The following AHDC1 variants were observed in gnomAD, a reference collection of about 807,000 sequenced individuals.
The protein encoded by AHDC1 is AT-hook DNA binding motif containing 1.
A neutral mutation model predicts 87.9 loss-of-function variants in AHDC1; 7 were observed. The observed-to-expected ratio is 0.08, with a 90% CI of 0.05 to 0.15. AHDC1 has a LOEUF of 0.15. AHDC1 is among the 10% of genes least tolerant of loss of function. The pLI, the probability that AHDC1 is intolerant of heterozygous loss-of-function variation, is 1.00. For missense variants in AHDC1, 1,841 were observed against 2,253.2 expected (o/e 0.82, Z 3.70); for synonymous variants, 1,051 against 1,006.8 (o/e 1.04, Z -0.83).
intron 3 of AHDC1, among the ~76,000 whole-genome samples, chr1:27,602,986 T>TCCCCCCCCCCCCCC (rs552714980): frequency 1.4e-5 from 1 of 69,822 alleles, no homozygotes; most frequent in African/African-American, 6.3e-5. Flanking sequence ...CCCCCTTCAT[T>TCCCCCCCCCCCCCC]CCCCCCCCCC....
At chr1:27,603,976 C>T (rs1317291003) in intron 1 of AHDC1, 113 bp from the exon 2 acceptor site, 2 of 149,712 alleles carry the variant, frequency 1.3e-5, no homozygotes, top group Non-Finnish European at 3.0e-5. Flanking sequence ...CTGCCTTCTG[C>T]TCTCTCCGCT....
intron 3 of AHDC1, among the ~76,000 whole-genome samples, chr1:27,572,957 C>T (rs748472785): frequency 5.3e-5 from 8 of 152,258 alleles, no homozygotes; most frequent in Non-Finnish European, 8.8e-5. Context: ...CACAGTCTCA[C>T]AGCCCCGCCT....
intron 3 of AHDC1, among the ~76,000 whole-genome samples, chr1:27,577,773 C>T (rs949296334): frequency 6.6e-6 from 1 of 152,214 alleles, no homozygotes; most frequent in African/African-American, 2.4e-5. Context: ...CTGCTCCCCT[C>T]CCCCTGACCT....
intron 8 of AHDC1, among the ~76,000 whole-genome samples, chr1:27,538,571 G>C (rs1414366462): frequency 2.0e-5 from 3 of 151,294 alleles, no homozygotes; most frequent in Non-Finnish European, 2.9e-5. Flanking sequence ...CTAGAGTGCA[G>C]TGGCACAATC....
At chr1:27,577,894 C>T (rs2088802404) in intron 3 of AHDC1, among the ~76,000 whole-genome samples, 1 of 152,176 alleles carries the variant, frequency 6.6e-6, no homozygotes, top group Non-Finnish European at 1.5e-5. Context: ...ACAGAGATTC[C>T]ACCTGAGGCC....
In AHDC1 at chr1:27,549,882, C is replaced by T. The variant is rs1557663014; in HGVS notation, c.2234G>A (p.Arg745Gln). The change falls in exon 8 of 9, where the codon CGG becomes CAG. Residue 745 changes from arginine (R) to glutamine (Q), a missense_variant. This residue lies in a region of AHDC1 where 236 missense variants were observed against 257.9 expected (regional missense o/e 0.92). Coordinates refer to ENST00000673934, the MANE Select transcript of AHDC1 (RefSeq NM_001371928.1). Reference protein sequence around the residue: ...TGKPKRKRRSRKNGTLFPEQV... With the variant: ...TGKPKRKRRSQKNGTLFPEQV... ...CTCTGGGAACAGAGTCCCATTCTTC[C>T]GGGACCGTCTCTTGCGCTTTGGCTT... 1.9e-6 allele frequency: 3 copies of T among 1,613,536 alleles called. No individual in the cohort carries two copies. The highest frequency in any genetic ancestry group is 2.5e-6 in the Non-Finnish European group (3 of 1,179,744).
rs1242684759 is a variant in AHDC1 at position 27,534,691 on chromosome 1, GTTTTGT to G, written c.*263_*268del. Reference sequence around the variant, plus strand: ...TTTTTTTGTCTTTTTCTAAAACTGTGTTTTGTTTTTAAGTTTTGTACATTTTTAAAA... The same window carrying G: ...TTTTTTTGTCTTTTTCTAAAACTGTGTTTTAAGTTTTGTACATTTTTAAAA... On this transcript the variant is annotated 3_prime_UTR_variant, in exon 9 of 9. Coordinates refer to ENST00000673934, the MANE Select transcript of AHDC1 (RefSeq NM_001371928.1). 2 of 150,240 alleles carry G rather than the reference GTTTTGT, an allele frequency of 1.3e-5. No homozygotes were observed. Among genetic ancestry groups the G allele is most frequent in the African/African-American group, 4.9e-5 (2 of 40,632 alleles). The allele number at this position is 150,240 out of a possible 1,614,324, so 9.3% of individuals were successfully genotyped here. A position where few individuals can be genotyped will look rare whatever the true frequency, so the allele number is the denominator to read the frequency against.
intron 3 of AHDC1, among the ~76,000 whole-genome samples, chr1:27,574,655 G>T (rs548272691): frequency 6.6e-6 from 1 of 152,322 alleles, no homozygotes; most frequent in African/African-American, 2.4e-5. Flanking sequence ...CTGGCAGGGG[G>T]AGAAGGGTCC....
At chr1:27,567,766 G>A (rs2020388342) in intron 3 of AHDC1, among the ~76,000 whole-genome samples, 1 of 152,204 alleles carries the variant, frequency 6.6e-6, no homozygotes, top group South Asian at 2.1e-4. Context: ...CCTTTGGCTT[G>A]CAAAAGCCCT....
At chr1:27,585,833 T>A (rs2089039517) in intron 3 of AHDC1, among the ~76,000 whole-genome samples, 1 of 152,190 alleles carries the variant, frequency 6.6e-6, no homozygotes, top group African/African-American at 2.4e-5. Context: ...GTGGCCAGAA[T>A]TCAGGCCCTG....
chr1:27,579,506 G>A (rs1458448402), intron 3 of AHDC1, among the ~76,000 whole-genome samples: 1 of 152,124 alleles, frequency 6.6e-6, no homozygotes, highest in Non-Finnish European at 1.5e-5. Flanking sequence ...CTAGATCCCA[G>A]CAAGAGTGTG....
intron 3 of AHDC1, among the ~76,000 whole-genome samples, chr1:27,594,617 C>T (rs908665411): frequency 2.3e-4 from 35 of 152,064 alleles, no homozygotes; most frequent in Non-Finnish European, 5.9e-5. Flanking sequence ...AGGCCTGGGG[C>T]GGTGAAGGGG....
At chr1:27,591,314 C>T (rs1050306904) in intron 3 of AHDC1, among the ~76,000 whole-genome samples, 1 of 152,230 alleles carries the variant, frequency 6.6e-6, no homozygotes, top group African/African-American at 2.4e-5. Context: ...GCACCACACC[C>T]AGCCCTGCCC....
At chr1:27,571,967 T>C (rs1178256035) in intron 3 of AHDC1, among the ~76,000 whole-genome samples, 1 of 151,986 alleles carries the variant, frequency 6.6e-6, no homozygotes, top group African/African-American at 2.4e-5. Context: ...CTGCAGCTGC[T>C]CCAGCCCACA....
intron 3 of AHDC1, among the ~76,000 whole-genome samples, chr1:27,580,843 G>T (rs1223439267): frequency 2.0e-5 from 3 of 149,226 alleles, no homozygotes; most frequent in South Asian, 2.1e-4. Context: ...AAAAACTTGG[G>T]TTTTTTTTTT....
rs754466153 is a variant in AHDC1 at position 27,561,731 on chromosome 1, G to C, written c.-628-2848C>G. ...AGCGTGCCAGAGGGAGAGAGGAAAA[G>C]ACAGAGAGGAAGAGGGAGAAAGATA... On this transcript the variant is annotated intron_variant, in intron 3 of 8. Coordinates refer to ENST00000673934, the MANE Select transcript of AHDC1 (RefSeq NM_001371928.1). The surrounding 1 kb of genome is among the most constrained non-coding windows in gnomAD (Gnocchi z 4.2). Among the ~76,000 whole-genome samples, 1 of 152,120 alleles carries C rather than the reference G, an allele frequency of 6.6e-6. No homozygotes were observed. Among genetic ancestry groups the C allele is most frequent in the Non-Finnish European group, 1.5e-5 (1 of 68,024 alleles).
At chr1:27,597,450 C>T (rs1274643864) in intron 3 of AHDC1, among the ~76,000 whole-genome samples, 2 of 152,008 alleles carry the variant, frequency 1.3e-5, no homozygotes, top group Admixed American at 6.6e-5. Context: ...ATACGAGGGG[C>T]ATCCCCCGGG....
intron 3 of AHDC1, among the ~76,000 whole-genome samples, chr1:27,582,578 C>T (rs2088938330): frequency 6.6e-6 from 1 of 152,156 alleles, no homozygotes; most frequent in Non-Finnish European, 1.5e-5. Flanking sequence ...TCTGTTTTAC[C>T]CTCTAAATGT....
At chr1:27,573,499 G>C (rs559849386) in intron 3 of AHDC1, among the ~76,000 whole-genome samples, 17 of 152,192 alleles carry the variant, frequency 1.1e-4, no homozygotes, top group Non-Finnish European at 2.1e-4. Flanking sequence ...TGTAGTCCTA[G>C]AGAGTTTATG....
Sources: gnomAD v4.1 joint callset for allele counts (sites outside exome capture counted in the v4.1 genomes callset) on GRCh38, gnomAD v4.1.1 for gene constraint, gnomAD v4.1.1 regional missense constraint, Gnocchi (gnomAD v3.1) non-coding constraint, MANE v1.5 for transcripts, NCBI Gene and HGNC (gene_info 2026-07-23, HGNC 2026-07-21) for gene names.